The following HP1BP3 variants were observed in gnomAD, a reference collection of about 807,000 sequenced individuals.
HP1BP3 encodes the protein heterochromatin protein 1 binding protein 3, also known as heterochromatin protein 1-binding protein 3.
Under a neutral mutation model 62.5 loss-of-function variants are expected in HP1BP3, and 12 were observed. The observed-to-expected ratio is 0.19, with a 90% CI of 0.12 to 0.31. HP1BP3 has a LOEUF of 0.31. HP1BP3 is among the 10% of genes least tolerant of loss of function. The pLI is 1.00. For synonymous variants in HP1BP3, 260 were observed against 237.8 expected (o/e 1.09, Z -0.86); for missense variants, 502 against 651.8 (o/e 0.77, Z 2.50).
In HP1BP3 at chr1:20,745,575, G is replaced by A. The variant is rs1341534550; in HGVS notation, c.1335C>T (p.Asp445=). 6.2e-7 allele frequency: 1 copy of A among 1,613,920 alleles called. No homozygotes were observed. The highest frequency in any genetic ancestry group is 8.5e-7 in the Non-Finnish European group (1 of 1,179,808). The part of the protein sequence containing the change: ...DEDEDESSEE[D]SEDEEPPPKR... ...TAGGTGGCGGCTCTTCATCCTCAGA[G>A]TCTTCTTCTGATGACTCATCTTCAT... The change falls in exon 12 of 13, where the codon GAC becomes GAT. Residue 445 remains aspartate, a synonymous_variant. Coordinates refer to ENST00000438032, the MANE Select transcript of HP1BP3 (RefSeq NM_001372052.1).
At chr1:20,785,054 C>T (rs2057759693) in intron 1 of HP1BP3, among the ~76,000 whole-genome samples, 1 of 152,176 alleles carries the variant, frequency 6.6e-6, no homozygotes, top group African/African-American at 2.4e-5. Flanking sequence ...ACCTGAGTAG[C>T]TGGGACTTCA....
At chr1:20,764,431 C>T (rs2056656315) in intron 8 of HP1BP3, among the ~76,000 whole-genome samples, 1 of 151,786 alleles carries the variant, frequency 6.6e-6, no homozygotes, top group African/African-American at 2.4e-5. Flanking sequence ...GCGAACTCCA[C>T]CTCCTGGGTT....
At chr1:20,767,037 A>C (rs2056820230) in intron 7 of HP1BP3, among the ~76,000 whole-genome samples, 1 of 152,118 alleles carries the variant, frequency 6.6e-6, no homozygotes, top group Non-Finnish European at 1.5e-5. Flanking sequence ...AGTATAATTC[A>C]GCTGGGAGCA....
At chr1:20,754,552 GA>G (rs954186452) in intron 9 of HP1BP3, among the ~76,000 whole-genome samples, 1 of 151,922 alleles carries the variant, frequency 6.6e-6, no homozygotes, top group Non-Finnish European at 1.5e-5. Flanking sequence ...GAAAAAGTTA[GA>G]GGGCTTATAA....
intron 1 of HP1BP3, among the ~76,000 whole-genome samples, chr1:20,781,776 G>A (rs1368524985): frequency 6.6e-6 from 1 of 152,060 alleles, no homozygotes; most frequent in Non-Finnish European, 1.5e-5. Context: ...ACAGGCATGC[G>A]CCACCATGCC....
chr1:20,762,120 T>C (rs1368355973), intron 8 of HP1BP3, among the ~76,000 whole-genome samples: 5 of 152,362 alleles, frequency 3.3e-5, no homozygotes, highest in Non-Finnish European at 7.3e-5. Context: ...CAAGAATGGC[T>C]GAATTTTCAA....
chr1:20,776,283 C>T (rs1164296136), intron 4 of HP1BP3: 4 of 428,478 alleles, frequency 9.3e-6, no homozygotes, highest in African/African-American at 6.2e-5. Flanking sequence ...AGTTATGTTT[C>T]ATTTCTTATT....
chr1:20,768,018 A>G (rs905375671), intron 6 of HP1BP3, among the ~76,000 whole-genome samples: 1 of 124,270 alleles, frequency 8.0e-6, no homozygotes, highest in Non-Finnish European at 1.8e-5. Context: ...AAGGGACACA[A>G]TCTCTTAGGG....
chr1:20,773,600 G>A lies in HP1BP3; in HGVS notation c.361C>T (p.Gln121Ter), dbSNP rs1473535478. 1 of 1,596,142 alleles carries A rather than the reference G, an allele frequency of 6.3e-7. No homozygotes were observed. Among genetic ancestry groups the A allele is most frequent in the Non-Finnish European group, 8.5e-7 (1 of 1,169,876 alleles). The change falls in exon 5 of 13, where the codon CAG becomes TAG. Residue 121 changes from glutamine to a stop codon, truncating the protein, a stop_gained. Coordinates refer to ENST00000438032, the MANE Select transcript of HP1BP3 (RefSeq NM_001372052.1). LOFTEE classifies it high-confidence loss of function. ...ACTTTCTTCTCCTTTTCTTTAGACT[G>A]ATCTTTCTCACTTTAAAACAAAGAA... ...SEETKKDEKD[Q>*]SKEKEKKVKK...
At position 20,765,591 on chromosome 1, in the gene HP1BP3, C is replaced by T; in HGVS notation, c.736-60G>A. ...AGAACGTAAATGTTTCTACATACAA[C>T]TCAAGGGCTTTCCTCAGTTGATTAC... On this transcript the variant is annotated intron_variant, in intron 7 of 12. Transcript: ENST00000438032. 4 of 1,352,592 alleles carry T rather than the reference C, an allele frequency of 3.0e-6. No homozygotes were observed. In the South Asian group the frequency reaches 5.4e-5, roughly 18 times the overall value. The allele number at this position is 1,352,592 out of a possible 1,614,324, so 83.8% of individuals were successfully genotyped here. A position where few individuals can be genotyped will look rare whatever the true frequency, so the allele number is the denominator to read the frequency against.
chr1:20,766,836 G>C (rs895611763), intron 7 of HP1BP3, among the ~76,000 whole-genome samples: 7 of 152,070 alleles, frequency 4.6e-5, no homozygotes, highest in African/African-American at 1.7e-4. Context: ...CCAGCTACTG[G>C]GGAGGCTGAG....
chr1:20,784,550 C>T lies in HP1BP3; in HGVS notation c.-101+2645G>A, dbSNP rs999538375. On this transcript the variant is annotated intron_variant, in intron 1 of 12. Coordinates refer to ENST00000438032, the MANE Select transcript of HP1BP3 (RefSeq NM_001372052.1). ...CTGGAGTGCGGTGGCGCGATCTCGGCTCACTGCAACCTCCCCTCCCGGTTC... is the reference window on the plus strand; with the variant it reads ...CTGGAGTGCGGTGGCGCGATCTCGGTTCACTGCAACCTCCCCTCCCGGTTC... Among the ~76,000 whole-genome samples, 3 of 146,866 alleles carry T rather than the reference C, an allele frequency of 2.0e-5. No individual in the cohort carries two copies. The East Asian group carries it at 6.3e-4, about 31-fold the overall frequency.
At chr1:20,746,274 G>C (rs2055329646) in intron 11 of HP1BP3, among the ~76,000 whole-genome samples, 1 of 149,776 alleles carries the variant, frequency 6.7e-6, no homozygotes, top group South Asian at 2.1e-4. Flanking sequence ...GCCCAGGCTG[G>C]AATCAAACTC....
chr1:20,752,193 T>C (rs55745730), intron 9 of HP1BP3, among the ~76,000 whole-genome samples: 7 of 151,460 alleles, frequency 4.6e-5, no homozygotes, highest in Non-Finnish European at 1.0e-4. Flanking sequence ...ACCCGGGAGG[T>C]GGAGGTTGCA....
rs1208543826 is a variant in HP1BP3 at position 20,749,964 on chromosome 1, G to A, written c.982-82C>T. ...AAGACAAGACTCCTCTGCACCAGGT[G>A]GGTCGGAGTTCCTGCATTAGCACAG... is the stretch of plus-strand genomic sequence containing the variant. On this transcript the variant is annotated intron_variant, in intron 9 of 12. Coordinates refer to ENST00000438032, the MANE Select transcript of HP1BP3 (RefSeq NM_001372052.1). The A allele has an allele frequency of 3.9e-6, 6 of 1,532,794 alleles. No homozygotes were observed. The South Asian group carries it at 3.9e-5, about 10-fold the overall frequency. 94.9% of individuals were successfully genotyped at this position (1,532,794 alleles called of 1,614,324 possible).
intron 12 of HP1BP3, 116 bp downstream of exon 12, chr1:20,745,427 T>G: frequency 3.1e-6 from 4 of 1,271,862 alleles, no homozygotes; most frequent in Non-Finnish European, 3.2e-6. Flanking sequence ...ATAAAGAACT[T>G]GAGAAGGATC....
chr1:20,774,078 T>C (rs2057183153), intron 4 of HP1BP3: 1 of 152,472 alleles, frequency 6.6e-6, no homozygotes, highest in African/African-American at 2.4e-5. Flanking sequence ...ACCAACTATT[T>C]CCCAAGGTGT....
chr1:20,776,669 G>A lies in HP1BP3; in HGVS notation c.278C>T (p.Ala93Val), dbSNP rs150990264. ...CTCAGGTTCCCCCTTTGGCTGCTCT[G>A]CCTCACTCGAAGTAGCAGGTGGAGT... The part of the protein sequence containing the change: ...NETPPATSSE[A>V]EQPKGEPENE... The change falls in exon 4 of 13, where the codon GCA becomes GTA. Residue 93 changes from alanine (A) to valine (V), a missense_variant. Transcript: ENST00000438032. The A allele has an allele frequency of 6.2e-7, 1 of 1,613,786 alleles. No homozygotes were observed. Among genetic ancestry groups the A allele is most frequent in the Admixed American group, 1.7e-5 (1 of 59,984 alleles).
chr1:20,749,681 A>T, intron 10 of HP1BP3, 42 bp downstream of exon 10: 1 of 1,561,442 alleles, frequency 6.4e-7, no homozygotes, highest in Non-Finnish European at 8.7e-7. Context: ...TTCAAAAGAA[A>T]ATTCTCCTAA....
Sources: gnomAD v4.1 joint callset for allele counts (sites outside exome capture counted in the v4.1 genomes callset) on GRCh38, gnomAD v4.1.1 for gene constraint, MANE v1.5 for transcripts, NCBI Gene and HGNC (gene_info 2026-07-23, HGNC 2026-07-21) for gene names.